EGF: variants seen among roughly 807,000 people sequenced by gnomAD.
EGF encodes pro-epidermal growth factor.
Under a neutral mutation model 143.8 loss-of-function variants are expected in EGF, and 95 were observed. The ratio of observed to expected loss-of-function variants is 0.66; its 90% CI spans 0.56 to 0.78. The LOEUF is 0.78. EGF is among the 30% of genes least tolerant of loss of function. The pLI is 0.00. For missense variants in EGF, 1,320 were observed against 1,470.9 expected (o/e 0.90, Z 1.68); for synonymous variants, 510 against 510.5 (o/e 1.00, Z 0.01).
chr4:109,948,547 G>A (rs192043736), intron 5 of EGF, among the ~76,000 whole-genome samples: 153 of 152,032 alleles, frequency 1.0e-3, no homozygotes, highest in African/African-American at 3.4e-3. Flanking sequence ...TGCAATGTGC[G>A]ATCTCGGCTC....
At chr4:110,004,271 A>G (rs1234881114) in intron 21 of EGF, 10 of 519,460 alleles carry the variant, frequency 1.9e-5, no homozygotes, top group Non-Finnish European at 3.5e-5. Flanking sequence ...CACACCCTCT[A>G]CCTCACAGAA....
rs550116787 is a variant in EGF at position 109,942,779 on chromosome 4, G to A, written c.328-475G>A. Among the ~76,000 whole-genome samples the A allele has an allele frequency of 5.3e-5, 8 of 152,240 alleles. No homozygotes were observed. The South Asian group carries it at 1.7e-3, about 32-fold the overall frequency. Reference sequence around the variant, plus strand: ...GGAAGGGGCCTATTGGAGGAGGAGGGCCAGAAGAATAAAGGCCACAATGAG... The same window carrying A: ...GGAAGGGGCCTATTGGAGGAGGAGGACCAGAAGAATAAAGGCCACAATGAG... On this transcript the variant is annotated intron_variant, in intron 2 of 23. Transcript: ENST00000265171.
At chr4:109,936,463 G>C (rs999801740) in intron 1 of EGF, among the ~76,000 whole-genome samples, 2 of 151,884 alleles carry the variant, frequency 1.3e-5, no homozygotes, top group African/African-American at 4.8e-5. Context: ...CTGGCTAGCA[G>C]TCTATTTTGT....
At position 109,951,221 on chromosome 4, in the gene EGF, G is replaced by A. The variant is rs188079739; in HGVS notation, c.940+5946G>A. Among the ~76,000 whole-genome samples the A allele has an allele frequency of 7.3e-4, 110 of 149,798 alleles. 1 individual carries two copies. Among genetic ancestry groups the A allele is most frequent in the Non-Finnish European group, 4.3e-4 (29 of 67,714 alleles). On this transcript the variant is annotated intron_variant, in intron 5 of 23. Transcript: ENST00000265171. ...TAAAATGCAAAAATTAACTGGGTGT[G>A]GTGGTGTCTGCCTGTAATCCCAGCT...
At chr4:109,913,519 T>G (rs908921252) in intron 1 of EGF, 57 bp downstream of exon 1, 1 of 1,597,492 alleles carries the variant, frequency 6.3e-7, no homozygotes, top group Admixed American at 1.7e-5. Flanking sequence ...CCCACATCCC[T>G]GTTGGTTCAA....
In EGF at chr4:109,927,739, A is replaced by AAAG. The variant is rs1268247596; in HGVS notation, c.128-13205_128-13203dup. Among the ~76,000 whole-genome samples the AAAG allele has an allele frequency of 8.6e-5, 13 of 151,578 alleles. 1 individual carries two copies. Among genetic ancestry groups the AAAG allele is most frequent in the Admixed American group, 8.6e-4 (13 of 15,176 alleles). ...ACACCGTCTCAAAAAAAAAAAAAAA[A>AAAG]AAGACATGTCCAAAAGTAGATGCAA... On this transcript the variant is annotated intron_variant, in intron 1 of 23. Transcript: ENST00000265171.
chr4:109,989,768 A>T (rs1047392263), intron 18 of EGF, among the ~76,000 whole-genome samples: 1 of 152,168 alleles, frequency 6.6e-6, no homozygotes, highest in Non-Finnish European at 1.5e-5. Context: ...TAAACTCGTT[A>T]GGCTCTGGTT....
Position 109,964,509 on chromosome 4 carries a change from C to T in EGF, c.1547C>T (p.Ala516Val), listed in dbSNP as rs1746224151. ...AGCCAGCAGATGGGAATGGTTTATGCCCTAGATCATGACCCTGTGGAAAAT... is the reference window on the plus strand; with the variant it reads ...AGCCAGCAGATGGGAATGGTTTATGTCCTAGATCATGACCCTGTGGAAAAT... ...LLSQQMGMVY[A>V]LDHDPVENKI... is the part of the protein sequence containing the mutation. Residue 516 changes from alanine (A) to valine (V), a missense_variant, in exon 10 of 24, where the codon GCC becomes GTC. Physicochemically the swap from Ala to Val is moderately conservative, Grantham distance 64. This residue lies in a region of EGF where 1,186 missense variants were observed against 1,313.7 expected (regional missense o/e 0.90). Coordinates refer to ENST00000265171, the MANE Select transcript of EGF (RefSeq NM_001963.6). 1 of 1,613,706 alleles carries T rather than the reference C, an allele frequency of 6.2e-7. No individual in the cohort carries two copies. The highest frequency in any genetic ancestry group is 8.5e-7 in the Non-Finnish European group (1 of 1,179,810).
intron 19 of EGF, among the ~76,000 whole-genome samples, chr4:109,993,786 A>C (rs1170109627): frequency 6.6e-6 from 1 of 152,104 alleles, no homozygotes; most frequent in African/African-American, 2.4e-5. Context: ...TCTTGTTCTG[A>C]ATTAGAACTC....
At position 109,977,063 on chromosome 4, in the gene EGF, G is replaced by T. The variant is rs11568996; in HGVS notation, c.2053+828G>T. ...GTTGTCCAGGCAACAACTGGTGATG[G>T]TCTGAGTTTGAACATTGTCATTTAA... On this transcript the variant is annotated intron_variant, in intron 13 of 23. Transcript: ENST00000265171. Among the ~76,000 whole-genome samples the T allele has an allele frequency of 4.1e-3, 625 of 152,272 alleles. 5 individuals are homozygous for T. The highest frequency in any genetic ancestry group is 0.014 in the African/African-American group (585 of 41,554).
At chr4:110,006,612 G>A (rs933274132) in intron 22 of EGF, among the ~76,000 whole-genome samples, 4 of 152,186 alleles carry the variant, frequency 2.6e-5, no homozygotes, top group African/African-American at 4.8e-5. Flanking sequence ...TCACTTGTCA[G>A]TCTACATGGT....
intron 18 of EGF, among the ~76,000 whole-genome samples, chr4:109,992,078 C>A (rs1459228655): frequency 6.9e-6 from 1 of 145,818 alleles, no homozygotes; most frequent in Non-Finnish European, 1.5e-5. Flanking sequence ...GTGGGTTGAG[C>A]TGGAAGAATT....
At chr4:109,990,993 C>T (rs1041373452) in intron 18 of EGF, among the ~76,000 whole-genome samples, 1 of 152,128 alleles carries the variant, frequency 6.6e-6, no homozygotes, top group Non-Finnish European at 1.5e-5. Flanking sequence ...GGCAGGGACA[C>T]ATTTCAGCCT....
At chr4:109,930,296 G>A (rs560011464) in intron 1 of EGF, among the ~76,000 whole-genome samples, 4 of 152,138 alleles carry the variant, frequency 2.6e-5, no homozygotes, top group Non-Finnish European at 5.9e-5. Context: ...TGAATAAAAC[G>A]TTCTGTACTT....
chr4:109,987,562 C>A (rs113825633), intron 16 of EGF, among the ~76,000 whole-genome samples, 182 bp from the exon 17 acceptor site: 5 of 152,270 alleles, frequency 3.3e-5, no homozygotes, highest in African/African-American at 1.2e-4. Context: ...CTGCACCCAG[C>A]CAGCTATGGA....
chr4:109,976,624 T>C (rs1354290038), intron 13 of EGF, among the ~76,000 whole-genome samples: 7 of 152,216 alleles, frequency 4.6e-5, no homozygotes, highest in Non-Finnish European at 1.0e-4. Flanking sequence ...AAGATTAATA[T>C]AGTTTCCTCC....
intron 16 of EGF, among the ~76,000 whole-genome samples, chr4:109,986,393 T>C (rs1750111681): frequency 6.6e-6 from 1 of 152,240 alleles, no homozygotes. Flanking sequence ...TGATTTGGTC[T>C]GATCTTATCC....
chr4:110,000,131 A>G (rs184734564), intron 21 of EGF, among the ~76,000 whole-genome samples: 1 of 151,908 alleles, frequency 6.6e-6, no homozygotes, highest in East Asian at 2.0e-4. Flanking sequence ...CACACCAGTA[A>G]TCTCAGCTAC....
intron 16 of EGF, 129 bp from the exon 17 acceptor site, chr4:109,987,615 A>G (rs1578352077): frequency 1.3e-6 from 1 of 794,906 alleles, no homozygotes; most frequent in African/African-American, 1.7e-5. Flanking sequence ...AAGCGTTTCT[A>G]TTTGGAGGTT....
Sources: allele counts gnomAD v4.1 joint callset (sites outside exome capture counted in the v4.1 genomes callset), GRCh38; gene constraint gnomAD v4.1.1; regional missense constraint gnomAD v4.1.1; transcripts MANE v1.5; gene names NCBI Gene and HGNC (gene_info 2026-07-23, HGNC 2026-07-21).